The following RCSD1 variants were observed in gnomAD, a reference collection of about 807,000 sequenced individuals.
RCSD1 encodes the protein capZ-interacting protein.
RCSD1 carries 26 observed loss-of-function variants against 42.5 expected under a neutral mutation model. The ratio of observed to expected loss-of-function variants is 0.61; its 90% CI spans 0.45 to 0.85. The LOEUF is 0.85. Among genes scored for constraint, RCSD1 ranks in the 40% least tolerant of loss-of-function variants. RCSD1 has a pLI of 0.00. For synonymous variants in RCSD1, 220 were observed against 212.2 expected (o/e 1.04, Z -0.32); for missense variants, 571 against 528.3 (o/e 1.08, Z -0.79).
chr1:167,666,251 C>T (rs1658653973), intron 1 of RCSD1, among the ~76,000 whole-genome samples: 1 of 152,112 alleles, frequency 6.6e-6, no homozygotes, highest in Admixed American at 6.5e-5. Flanking sequence ...AGCTCCACAA[C>T]CCATAATTCA....
At chr1:167,689,317 A>G (rs897761354) in intron 3 of RCSD1, among the ~76,000 whole-genome samples, 11 of 152,126 alleles carry the variant, frequency 7.2e-5, no homozygotes, top group African/African-American at 2.7e-4. Context: ...CCCTGTCTCT[A>G]CTAAAAATAC....
chr1:167,645,447 G>C (rs1463804914), intron 1 of RCSD1, among the ~76,000 whole-genome samples: 1 of 152,174 alleles, frequency 6.6e-6, no homozygotes, highest in Admixed American at 6.5e-5. Flanking sequence ...TATGTCCCCA[G>C]ATAAAGCAGG....
intron 1 of RCSD1, among the ~76,000 whole-genome samples, chr1:167,666,145 C>T (rs1008899251): frequency 6.6e-6 from 1 of 152,304 alleles, no homozygotes; most frequent in South Asian, 2.1e-4. Flanking sequence ...AACGTAAACT[C>T]TCTATGCTTT....
At chr1:167,637,882 CA>C (rs1657901801) in intron 1 of RCSD1, among the ~76,000 whole-genome samples, 1 of 152,200 alleles carries the variant, frequency 6.6e-6, no homozygotes, top group Non-Finnish European at 1.5e-5. Flanking sequence ...CAGAGGCAGA[CA>C]AGGGATGCAC....
intron 1 of RCSD1, among the ~76,000 whole-genome samples, chr1:167,672,460 T>C (rs1306868577): frequency 6.6e-6 from 1 of 152,218 alleles, no homozygotes; most frequent in Admixed American, 6.5e-5. Context: ...GCATTTCTTC[T>C]GAAGGGTCTA....
intron 1 of RCSD1, among the ~76,000 whole-genome samples, chr1:167,681,734 C>T (rs1359994308): frequency 6.6e-6 from 1 of 152,226 alleles, no homozygotes; most frequent in African/African-American, 2.4e-5. Context: ...GACAGAGAGA[C>T]TGATCTGTGA....
intron 4 of RCSD1, among the ~76,000 whole-genome samples, chr1:167,691,665 T>C (rs1410887835): frequency 6.6e-6 from 1 of 152,220 alleles, no homozygotes; most frequent in Non-Finnish European, 1.5e-5. Context: ...TTCCCAGCCA[T>C]GGGAGAGCCT....
chr1:167,670,242 C>A (rs1385499317), intron 1 of RCSD1, among the ~76,000 whole-genome samples: 2 of 151,634 alleles, frequency 1.3e-5, no homozygotes, highest in African/African-American at 4.8e-5. Context: ...TCTGAACTTA[C>A]CTTGGAGAGT....
intron 3 of RCSD1, among the ~76,000 whole-genome samples, 160 bp downstream of exon 3, chr1:167,685,670 T>C (rs1344695946): frequency 6.6e-6 from 1 of 152,220 alleles, no homozygotes; most frequent in Non-Finnish European, 1.5e-5. Context: ...AAATGTTTCC[T>C]GAATCGTTTA....
intron 6 of RCSD1, among the ~76,000 whole-genome samples, chr1:167,703,469 C>T (rs920023150): frequency 6.6e-6 from 1 of 152,186 alleles, no homozygotes; most frequent in Non-Finnish European, 1.5e-5. Context: ...GCCTGGGCAA[C>T]ATGGCACAAC....
At chr1:167,635,428 T>C (rs764234462) in intron 1 of RCSD1, among the ~76,000 whole-genome samples, 1 of 152,156 alleles carries the variant, frequency 6.6e-6, no homozygotes, top group African/African-American at 2.4e-5. Context: ...AGTGAGACTC[T>C]AAGGGCCCAG....
chr1:167,692,287 T>C (rs1659395255), intron 4 of RCSD1, among the ~76,000 whole-genome samples: 1 of 152,228 alleles, frequency 6.6e-6, no homozygotes, highest in African/African-American at 2.4e-5. Context: ...GATTTTCTTT[T>C]TTAGGATAGC....
At chr1:167,634,268 C>T (rs545673945) in intron 1 of RCSD1, among the ~76,000 whole-genome samples, 3 of 152,274 alleles carry the variant, frequency 2.0e-5, no homozygotes, top group South Asian at 2.1e-4. Flanking sequence ...CTAACTGTCA[C>T]CCCGGAAGGC....
chr1:167,641,018 T>A (rs1327398567), intron 1 of RCSD1, among the ~76,000 whole-genome samples: 2 of 152,158 alleles, frequency 1.3e-5, no homozygotes, highest in African/African-American at 4.8e-5. Flanking sequence ...GGGTGCAAAT[T>A]ACCAAGGAAT....
At chr1:167,630,509 C>T in intron 1 of RCSD1, 80 bp downstream of exon 1, 1 of 1,384,200 alleles carries the variant, frequency 7.2e-7, no homozygotes, top group East Asian at 2.9e-5. Flanking sequence ...GCTGCCCCTG[C>T]CCTGAGCATG....
intron 1 of RCSD1, among the ~76,000 whole-genome samples, chr1:167,658,873 G>C (rs150175192): frequency 2.6e-5 from 4 of 151,942 alleles, no homozygotes; most frequent in Admixed American, 6.6e-5. Flanking sequence ...GGCTGTGTAC[G>C]CTAGCATTTA....
intron 4 of RCSD1, among the ~76,000 whole-genome samples, chr1:167,692,031 C>G (rs898062554): frequency 6.6e-6 from 1 of 152,198 alleles, no homozygotes; most frequent in Admixed American, 6.5e-5. Context: ...GTTCTGTACC[C>G]TGTAGTTTTG....
At chr1:167,645,301 C>T (rs78452262) in intron 1 of RCSD1, among the ~76,000 whole-genome samples, 8 of 152,178 alleles carry the variant, frequency 5.3e-5, no homozygotes, top group East Asian at 1.9e-4. Flanking sequence ...CTTGGAAATA[C>T]GCATGCATTT....
intron 1 of RCSD1, among the ~76,000 whole-genome samples, chr1:167,637,801 C>A (rs2102195211): frequency 6.6e-6 from 1 of 152,212 alleles, no homozygotes; most frequent in South Asian, 2.1e-4. Flanking sequence ...ACCTGCAGCC[C>A]CGCTCATTCC....
Sources: allele counts gnomAD v4.1 joint callset (sites outside exome capture counted in the v4.1 genomes callset), GRCh38; gene constraint gnomAD v4.1.1; transcripts MANE v1.5; gene names NCBI Gene and HGNC (gene_info 2026-07-23, HGNC 2026-07-21).